HYDIN: variants seen among roughly 807,000 people sequenced by gnomAD.
HYDIN encodes HYDIN axonemal central pair apparatus protein.
Under a neutral mutation model 403.9 loss-of-function variants are expected in HYDIN, and 132 were observed. The observed-to-expected ratio is 0.33, with a 90% CI of 0.28 to 0.38. HYDIN has a LOEUF of 0.38. Ranked by LOEUF, HYDIN falls within the 10% of genes least tolerant of loss-of-function variation. The probability of loss-of-function intolerance (pLI) is 1.00; values close to 1 mark genes in which losing one functional copy is unlikely to be tolerated. For missense variants in HYDIN, 2,827 were observed against 5,009.5 expected (o/e 0.56, Z 13.15); for synonymous variants, 1,202 against 1,891.7 (o/e 0.64, Z 9.46).
intron 64 of HYDIN, among the ~76,000 whole-genome samples, chr16:70,872,937 C>A (rs1205675194): frequency 7.7e-6 from 1 of 129,650 alleles, no homozygotes; most frequent in Non-Finnish European, 1.6e-5. Context: ...CACCTACCCA[C>A]TCACCTATCT....
intron 18 of HYDIN, among the ~76,000 whole-genome samples, chr16:71,051,578 G>A (rs570961030): frequency 1.1e-4 from 16 of 151,082 alleles, no homozygotes; most frequent in Admixed American, 4.0e-4. Context: ...CCCAGGAGGC[G>A]GAGCTTGCAG....
intron 1 of HYDIN, among the ~76,000 whole-genome samples, chr16:71,227,807 C>G (rs1356482709): frequency 1.3e-5 from 2 of 152,314 alleles, no homozygotes; most frequent in African/African-American, 4.8e-5. Context: ...TTGGAAAAAA[C>G]TACTTTAAAG....
In HYDIN at chr16:71,028,625, G is replaced by A. The variant is rs567724399; in HGVS notation, c.2769-750C>T. On this transcript the variant is annotated intron_variant, in intron 19 of 85. Transcript: ENST00000393567. ...ATTTTCTTAGGGAAAAACTCATCTC[G>A]GGACTGTTTTTTATTTTTTAAATTT... is the stretch of plus-strand genomic sequence containing the variant. Among the ~76,000 whole-genome samples, 278 of 151,232 alleles carry A rather than the reference G, an allele frequency of 1.8e-3. 1 individual carries two copies. Among genetic ancestry groups the A allele is most frequent in the Non-Finnish European group, 2.5e-3 (171 of 67,814 alleles).
intron 23 of HYDIN, among the ~76,000 whole-genome samples, chr16:71,004,246 G>A (rs545666961): frequency 1.4e-4 from 21 of 151,682 alleles, no homozygotes; most frequent in South Asian, 4.2e-4. Flanking sequence ...CCTGGGAGGC[G>A]GAGGTTGTAG....
At chr16:70,916,609 A>G (rs1280343818) in intron 47 of HYDIN, among the ~76,000 whole-genome samples, 2 of 152,092 alleles carry the variant, frequency 1.3e-5, no homozygotes, top group African/African-American at 4.8e-5. Context: ...TCACAATGCG[A>G]GACTTGCTGC....
chr16:70,923,125 G>C (rs1191893874), intron 45 of HYDIN, among the ~76,000 whole-genome samples: 1 of 148,994 alleles, frequency 6.7e-6, no homozygotes, highest in African/African-American at 2.4e-5. Context: ...AATAAGATAA[G>C]CATCACTTCA....
chr16:71,119,100 G>A (rs2084160617), intron 9 of HYDIN, among the ~76,000 whole-genome samples: 1 of 151,982 alleles, frequency 6.6e-6, no homozygotes, highest in Admixed American at 6.6e-5. Context: ...GGGCAAGTCA[G>A]GGTCTTATGG....
intron 7 of HYDIN, among the ~76,000 whole-genome samples, chr16:71,138,598 C>CA (rs1004689580): frequency 2.0e-5 from 3 of 149,484 alleles, no homozygotes; most frequent in Admixed American, 6.7e-5. Flanking sequence ...ACATCCTTTC[C>CA]AAAAAAAAGG....
intron 45 of HYDIN, among the ~76,000 whole-genome samples, chr16:70,924,032 T>A (rs1374566514): frequency 6.6e-6 from 1 of 150,762 alleles, no homozygotes; most frequent in African/African-American, 2.4e-5. Context: ...ATAACAGAAA[T>A]AATGGAAGAG....
In HYDIN at chr16:70,808,059, C is replaced by A. The variant is rs778045018; in HGVS notation, c.14887G>T (p.Asp4963Tyr). 6.2e-7 allele frequency: 1 copy of A among 1,603,664 alleles called. No homozygotes were observed. The highest frequency in any genetic ancestry group is 1.1e-5 in the South Asian group (1 of 89,582). Residue 4963 changes from aspartate to tyrosine, a missense_variant, in exon 86 of 86, where the codon GAC becomes TAC. Asp to Tyr is a radical substitution (Grantham distance 160). Coordinates refer to ENST00000393567, the MANE Select transcript of HYDIN (RefSeq NM_001270974.2). Reference protein sequence around the residue: ...RQRTEYYCRTDCTDFHAEKLI... With the variant: ...RQRTEYYCRTYCTDFHAEKLI... Reference sequence around the variant, plus strand: ...TTTTCTGCGTGGAAGTCTGTACAGTCGGTCTGAAAGGGGAACAAACAAACT... The same window carrying A: ...TTTTCTGCGTGGAAGTCTGTACAGTAGGTCTGAAAGGGGAACAAACAAACT...
chr16:71,036,039 A>C (rs1176529395), intron 18 of HYDIN, among the ~76,000 whole-genome samples: 1 of 151,922 alleles, frequency 6.6e-6, no homozygotes, highest in Non-Finnish European at 1.5e-5. Flanking sequence ...GAGTGTGCCG[A>C]GCTGCTAGCT....
intron 9 of HYDIN, among the ~76,000 whole-genome samples, chr16:71,117,567 T>A (rs944303064): frequency 6.6e-6 from 1 of 152,326 alleles, no homozygotes; most frequent in South Asian, 2.1e-4. Flanking sequence ...GTTTTTTGTA[T>A]GATTTTTGTA....
At chr16:70,830,944 T>C (rs1035338277) in intron 80 of HYDIN, among the ~76,000 whole-genome samples, 2 of 151,828 alleles carry the variant, frequency 1.3e-5, no homozygotes, top group South Asian at 2.1e-4. Context: ...GTTGTCAGTA[T>C]AGCAATTTCA....
At chr16:71,200,898 A>G (rs1403526325) in intron 1 of HYDIN, among the ~76,000 whole-genome samples, 1 of 152,052 alleles carries the variant, frequency 6.6e-6, no homozygotes, top group Non-Finnish European at 1.5e-5. Context: ...TTCTAAGTCC[A>G]TTAACCCAAT....
At chr16:71,084,817 A>G (rs553977535) in intron 12 of HYDIN, among the ~76,000 whole-genome samples, 1 of 147,594 alleles carries the variant, frequency 6.8e-6, no homozygotes, top group East Asian at 2.1e-4. Context: ...AAGGGTGCTA[A>G]ATTTTGGTAA....
chr16:70,891,092 T>C (rs2041436585), intron 57 of HYDIN, among the ~76,000 whole-genome samples: 1 of 152,092 alleles, frequency 6.6e-6, no homozygotes, highest in African/African-American at 2.4e-5. Flanking sequence ...ATTTATGATA[T>C]ATTCTACAGG....
At chr16:71,040,774 C>T (rs1436147783) in intron 18 of HYDIN, among the ~76,000 whole-genome samples, 1 of 116,954 alleles carries the variant, frequency 8.6e-6, no homozygotes, top group East Asian at 2.2e-4. Context: ...ATTTTCTAGG[C>T]TTAGTTTCCG....
chr16:71,204,953 T>C (rs756125394), intron 1 of HYDIN, among the ~76,000 whole-genome samples: 6 of 152,152 alleles, frequency 3.9e-5, no homozygotes, highest in Non-Finnish European at 7.3e-5. Context: ...ATTAATCTCC[T>C]TAAAGAGCTG....
chr16:71,073,270 A>G (rs1035095343), intron 13 of HYDIN, among the ~76,000 whole-genome samples: 1 of 151,922 alleles, frequency 6.6e-6, no homozygotes, highest in South Asian at 2.1e-4. Context: ...CTTGTTTCTT[A>G]TCTTAAGGTT....
Sources: gnomAD v4.1 joint callset for allele counts (sites outside exome capture counted in the v4.1 genomes callset) on GRCh38, gnomAD v4.1.1 for gene constraint, MANE v1.5 for transcripts, NCBI Gene and HGNC (gene_info 2026-07-23, HGNC 2026-07-21) for gene names.